FHOD3: variants seen among roughly 807,000 people sequenced by gnomAD.
FHOD3 encodes the protein FH1/FH2 domain-containing protein 3.
A neutral mutation model predicts 173.0 loss-of-function variants in FHOD3; 90 were observed. That is an observed-to-expected ratio of 0.52 (90% CI 0.44 to 0.62). The LOEUF (loss-of-function observed/expected upper bound fraction) is 0.62. Among genes scored for constraint, FHOD3 ranks in the 20% least tolerant of loss-of-function variants. The pLI is 0.00. For synonymous variants in FHOD3, 828 were observed against 823.0 expected (o/e 1.01, Z -0.10); for missense variants, 1,945 against 2,034.7 (o/e 0.96, Z 0.85).
At chr18:36,324,154 G>C (rs1274472727) in intron 1 of FHOD3, among the ~76,000 whole-genome samples, 1 of 152,166 alleles carries the variant, frequency 6.6e-6, no homozygotes, top group Non-Finnish European at 1.5e-5. Context: ...TCACTAAATG[G>C]GACTAGGTCA....
chr18:36,545,664 A>G (rs1454291904), intron 5 of FHOD3, among the ~76,000 whole-genome samples: 1 of 152,228 alleles, frequency 6.6e-6, no homozygotes, highest in Non-Finnish European at 1.5e-5. Flanking sequence ...ATTATGCTTT[A>G]TCTCTGTCTG....
At chr18:36,445,961 T>C (rs1014230787) in intron 3 of FHOD3, among the ~76,000 whole-genome samples, 1 of 152,100 alleles carries the variant, frequency 6.6e-6, no homozygotes, top group Non-Finnish European at 1.5e-5. Context: ...TTCTCCAGGG[T>C]TTTTTGTTGC....
intron 3 of FHOD3, among the ~76,000 whole-genome samples, chr18:36,438,718 C>T (rs1460580161): frequency 6.6e-6 from 1 of 152,222 alleles, no homozygotes; most frequent in African/African-American, 2.4e-5. Flanking sequence ...CGTCCATGCC[C>T]TGCCTCGGCT....
chr18:36,685,257 C>T (rs1011139419), intron 15 of FHOD3, among the ~76,000 whole-genome samples: 5 of 152,200 alleles, frequency 3.3e-5, no homozygotes, highest in Admixed American at 6.5e-5. Flanking sequence ...TTTAAGAACA[C>T]AGAGAGACCT....
At chr18:36,587,295 A>G (rs771302157) in intron 6 of FHOD3, among the ~76,000 whole-genome samples, 12 of 152,188 alleles carry the variant, frequency 7.9e-5, no homozygotes, top group Admixed American at 2.0e-4. Context: ...TAATGAAGTT[A>G]GAAACTCTTC....
rs781253442 is a variant in FHOD3 at position 36,769,343 on chromosome 18, G to A, written c.4703G>A (p.Arg1568His). The A allele has an allele frequency of 1.8e-5, 29 of 1,614,040 alleles. No homozygotes were observed. Among genetic ancestry groups the A allele is most frequent in the African/African-American group, 5.3e-5 (4 of 74,920 alleles). ...TDDAADEIMDRIVKSATQVPS... is the reference protein window; with the variant it reads ...TDDAADEIMDHIVKSATQVPS... ...GATGCAGCTGATGAGATCATGGACC[G>A]CATCGTCAAGTCAGCCACCCAAGTG... Residue 1568 changes from arginine (R) to histidine (H), a missense_variant, in exon 28 of 29, where the codon CGC becomes CAC. Arg to His is a conservative substitution (Grantham distance 29). Around this residue, in one of 5 missense-constraint regions of FHOD3, gnomAD observed 354 missense variants for 359.9 expected, o/e 0.98. Transcript: ENST00000590592.
chr18:36,759,361 GCTGTCC>G (rs2042772949), intron 26 of FHOD3, among the ~76,000 whole-genome samples: 1 of 152,136 alleles, frequency 6.6e-6, no homozygotes. Flanking sequence ...CATTTTCCGA[GCTGTCC>G]CTGAGGCCCA....
chr18:36,651,196 A>G (rs750279729), intron 11 of FHOD3, among the ~76,000 whole-genome samples: 1 of 151,990 alleles, frequency 6.6e-6, no homozygotes, highest in Non-Finnish European at 1.5e-5. Context: ...CTTCCCATCA[A>G]TCCAGGGAAA....
intron 6 of FHOD3, among the ~76,000 whole-genome samples, chr18:36,591,917 T>G (rs1028002507): frequency 6.6e-6 from 1 of 151,578 alleles, no homozygotes; most frequent in Admixed American, 6.6e-5. Flanking sequence ...AATGAGACCC[T>G]GTCTCAAATG....
intron 3 of FHOD3, among the ~76,000 whole-genome samples, chr18:36,419,382 T>G (rs1400577584): frequency 6.6e-6 from 1 of 151,978 alleles, no homozygotes; most frequent in Non-Finnish European, 1.5e-5. Context: ...AACTCTAGTG[T>G]GCCCCTCCCA....
At chr18:36,714,782 A>C (rs975153379) in intron 18 of FHOD3, among the ~76,000 whole-genome samples, 2 of 152,128 alleles carry the variant, frequency 1.3e-5, no homozygotes, top group East Asian at 3.9e-4. Flanking sequence ...TTATTTCCTA[A>C]GATATTTTGT....
rs1001978458 is a variant in FHOD3, at chr18:36,680,767, A to T, written c.1836-669A>T. ...GAATGTCATAGAATGAAATTTCCTT[A>T]ATTCTATTCACATTTCAGCCCATTG... On this transcript the variant is annotated intron_variant, in intron 14 of 28. Coordinates refer to ENST00000590592, the MANE Select transcript of FHOD3 (RefSeq NM_001281740.3). 2.6e-5 allele frequency among the ~76,000 whole-genome samples: 4 copies of T among 152,228 alleles called. No individual in the cohort carries two copies. The East Asian group carries it at 7.7e-4, about 29-fold the overall frequency.
chr18:36,400,164 A>AAACC lies in FHOD3; in HGVS notation c.337+27420_337+27421insAACC, dbSNP rs2048738209. Among the ~76,000 whole-genome samples, 5 of 152,150 alleles carry AAACC rather than the reference A, an allele frequency of 3.3e-5. No homozygotes were observed. In the South Asian group the frequency reaches 8.3e-4, roughly 25 times the overall value. Reference sequence around the variant, plus strand: ...TAATTTTAATTAGTTTTCAAGGTTTATTTTTGTATGTTTGTAGAGCCATGG... The same window carrying AAACC: ...TAATTTTAATTAGTTTTCAAGGTTTAAACCTTTTTGTATGTTTGTAGAGCCATGG... On this transcript the variant is annotated intron_variant, in intron 3 of 28. Coordinates refer to ENST00000590592, the MANE Select transcript of FHOD3 (RefSeq NM_001281740.3).
chr18:36,441,257 C>G (rs989284209), intron 3 of FHOD3, among the ~76,000 whole-genome samples: 4 of 152,108 alleles, frequency 2.6e-5, no homozygotes, highest in African/African-American at 9.7e-5. Flanking sequence ...CCCACCAATG[C>G]GAGGTGAGGA....
At chr18:36,726,587 C>T (rs563084553) in intron 19 of FHOD3, among the ~76,000 whole-genome samples, 2 of 152,320 alleles carry the variant, frequency 1.3e-5, no homozygotes, top group East Asian at 3.9e-4. Context: ...CATCATTGAC[C>T]AATTTCCTTA....
intron 16 of FHOD3, among the ~76,000 whole-genome samples, chr18:36,689,833 G>A (rs1237463854): frequency 6.6e-6 from 1 of 152,172 alleles, no homozygotes; most frequent in Middle Eastern, 3.2e-3. Context: ...CTAGGGTTTT[G>A]GAAATTGTGC....
Position 36,718,043 on chromosome 18 carries a change from C to T in FHOD3, c.2745C>T (p.Asn915=), listed in dbSNP as rs1423617359. Residue 915 remains asparagine (N), a synonymous_variant, in exon 19 of 29, where the codon AAC becomes AAT. Coordinates refer to ENST00000590592, the MANE Select transcript of FHOD3 (RefSeq NM_001281740.3). ...CCAGGATATCCACCCTGCAGGCCAA[C>T]TCTCAGACCCAGGATGAGAGTGTCA... ...LATRISTLQA[N]SQTQDESVRR... is the part of the protein sequence containing the mutation. The T allele has an allele frequency of 5.6e-6, 9 of 1,602,732 alleles. No homozygotes were observed. The East Asian group carries it at 1.3e-4, about 24-fold the overall frequency.
At chr18:36,640,046 T>G (rs2035195653) in intron 10 of FHOD3, among the ~76,000 whole-genome samples, 2 of 152,248 alleles carry the variant, frequency 1.3e-5, no homozygotes, top group African/African-American at 4.8e-5. Context: ...TAATATTTAT[T>G]TGATTCTAAA....
At chr18:36,558,922 A>G (rs779425834) in intron 5 of FHOD3, among the ~76,000 whole-genome samples, 1 of 152,132 alleles carries the variant, frequency 6.6e-6, no homozygotes, top group East Asian at 1.9e-4. Context: ...TCCCGCCTGC[A>G]CTCATACCCA....
Sources: allele counts gnomAD v4.1 joint callset (sites outside exome capture counted in the v4.1 genomes callset), GRCh38; gene constraint gnomAD v4.1.1; regional missense constraint gnomAD v4.1.1; transcripts MANE v1.5; gene names NCBI Gene and HGNC (gene_info 2026-07-23, HGNC 2026-07-21).